The following JMY variants were observed in gnomAD, a reference collection of about 807,000 sequenced individuals.
The protein encoded by JMY is junction-mediating and -regulatory protein.
A neutral mutation model predicts 103.3 loss-of-function variants in JMY; 46 were observed. The observed-to-expected ratio is 0.45, with a 90% CI of 0.35 to 0.57. The LOEUF (loss-of-function observed/expected upper bound fraction) is 0.57. Ranked by LOEUF, JMY falls within the 20% of genes least tolerant of loss-of-function variation. The pLI, the probability that JMY is intolerant of heterozygous loss-of-function variation, is 0.00. For synonymous variants in JMY, 526 were observed against 489.3 expected, an observed-to-expected ratio of 1.07 and a Z score of -0.99; for missense variants, 1,238 against 1,255.2, an observed-to-expected ratio of 0.99 and a Z score of 0.21.
At position 79,258,321 on chromosome 5, in the gene JMY, T is replaced by G. The variant is rs925453337; in HGVS notation, c.1033-19589T>G. Among the ~76,000 whole-genome samples the G allele has an allele frequency of 8.5e-4, 127 of 149,744 alleles. 2 individuals are homozygous for G. The highest frequency in any genetic ancestry group is 3.1e-3 in the African/African-American group (125 of 40,974). On this transcript the variant is annotated intron_variant, in intron 1 of 10. Coordinates refer to ENST00000396137, the MANE Select transcript of JMY (RefSeq NM_152405.5). ...GCTTTTTTTGTTTTTGTTGTTTTTTTTTTTTTTTTGACAGGGTCTCCCTCT... is the reference window on the plus strand; with the variant it reads ...GCTTTTTTTGTTTTTGTTGTTTTTTGTTTTTTTTTGACAGGGTCTCCCTCT...
At chr5:79,315,337 C>T (rs1168811158) in intron 9 of JMY, among the ~76,000 whole-genome samples, 1 of 151,998 alleles carries the variant, frequency 6.6e-6, no homozygotes, top group Non-Finnish European at 1.5e-5. Context: ...GACAGATGTG[C>T]CTCAATAAGG....
intron 1 of JMY, among the ~76,000 whole-genome samples, chr5:79,253,637 A>C (rs1745155910): frequency 6.6e-6 from 1 of 152,148 alleles, no homozygotes; most frequent in African/African-American, 2.4e-5. Context: ...TACACACCAC[A>C]GTTACAGTGT....
rs540299350 is a variant in JMY, at chr5:79,277,306, G to T, written c.1033-604G>T. On this transcript the variant is annotated intron_variant, in intron 1 of 10. Coordinates refer to ENST00000396137, the MANE Select transcript of JMY (RefSeq NM_152405.5). ...AATTTATTGGAAATGTTCCAGATTT[G>T]GATGGTTTTCATTCTACTAGATAGC... 2.0e-5 allele frequency among the ~76,000 whole-genome samples: 3 copies of T among 152,016 alleles called. No individual in the cohort carries two copies. In the East Asian group the frequency reaches 5.8e-4, roughly 29 times the overall value.
Position 79,237,464 on chromosome 5 carries a change from G to A in JMY, c.814G>A (p.Gly272Arg). 6.2e-7 allele frequency: 1 copy of A among 1,609,580 alleles called. No individual in the cohort carries two copies. The highest frequency in any genetic ancestry group is 8.5e-7 in the Non-Finnish European group (1 of 1,178,374). ...TTCGGGCATGTGGACTGTGCTGTTT[G>A]GGGGCGCCCCCGAGATGACCGAGCA... ...EPSGMWTVLF[G>R]GAPEMTEQEI... Residue 272 changes from glycine (G) to arginine (R), a missense_variant, in exon 1 of 11, where the codon GGG becomes AGG. By Grantham distance (125) the Gly-to-Arg change is moderately radical. Coordinates refer to ENST00000396137, the MANE Select transcript of JMY (RefSeq NM_152405.5).
rs758809304 is a variant in JMY, at chr5:79,237,483, C to T, written c.833C>T (p.Thr278Ile). 6.2e-6 allele frequency: 10 copies of T among 1,613,732 alleles called. No homozygotes were observed. The highest frequency in any genetic ancestry group is 8.5e-6 in the Non-Finnish European group (10 of 1,179,926). ...TVLFGGAPEM[T>I]EQEIDTLCYQ... The stretch of plus-strand genomic sequence containing the variant: ...CTGTTTGGGGGCGCCCCCGAGATGA[C>T]CGAGCAGGAAATCGACACTCTGTGT... Residue 278 changes from threonine (T) to isoleucine (I), a missense_variant, in exon 1 of 11, where the codon ACC becomes ATC. Physicochemically the swap from Thr to Ile is moderately conservative, Grantham distance 89. Coordinates refer to ENST00000396137, the MANE Select transcript of JMY (RefSeq NM_152405.5).
chr5:79,314,582 C>G lies in JMY; in HGVS notation c.2390C>G (p.Ser797Cys). 1 of 1,614,120 alleles carries G rather than the reference C, an allele frequency of 6.2e-7. No individual in the cohort carries two copies. Among genetic ancestry groups the G allele is most frequent in the Non-Finnish European group, 8.5e-7 (1 of 1,179,984 alleles). The stretch of plus-strand genomic sequence containing the variant: ...TTGAATAACAACCTCGAACCATGTT[C>G]TGTTACCATAAATCCACTCCCATCC... ...PLLNNNLEPC[S>C]VTINPLPSPL... Residue 797 changes from serine (S) to cysteine (C), a missense_variant, in exon 9 of 11, where the codon TCT becomes TGT. Transcript: ENST00000396137.
At chr5:79,312,601 C>T in intron 8 of JMY, 103 bp downstream of exon 8, 4 of 543,558 alleles carry the variant, frequency 7.4e-6, no homozygotes, top group Non-Finnish European at 9.3e-6. Flanking sequence ...ACTTGGTTTT[C>T]CCTTATTTAT....
chr5:79,274,725 A>T (rs988819647), intron 1 of JMY, among the ~76,000 whole-genome samples: 1 of 151,970 alleles, frequency 6.6e-6, no homozygotes, highest in Non-Finnish European at 1.5e-5. Context: ...CTTTTTGATG[A>T]CTGAGTTTTG....
At chr5:79,271,213 T>C (rs1479277748) in intron 1 of JMY, among the ~76,000 whole-genome samples, 1 of 151,680 alleles carries the variant, frequency 6.6e-6, no homozygotes, top group Admixed American at 6.6e-5. Context: ...TTTTAAATTT[T>C]AGTAGAGAGA....
At position 79,301,271 on chromosome 5, in the gene JMY, T is replaced by C. The variant is rs926577153; in HGVS notation, c.1881+408T>C. Among the ~76,000 whole-genome samples, 6 of 152,198 alleles carry C rather than the reference T, an allele frequency of 3.9e-5. No homozygotes were observed. In the South Asian group the frequency reaches 1.0e-3, roughly 26 times the overall value. ...ATTCTTGATATTTGGAATGACTCAT[T>C]TTGTGGAAATGTGATTCTTCCTGTG... On this transcript the variant is annotated intron_variant, in intron 6 of 10. Coordinates refer to ENST00000396137, the MANE Select transcript of JMY (RefSeq NM_152405.5).
At position 79,316,106 on chromosome 5, in the gene JMY, T is replaced by G. The variant is rs570650245; in HGVS notation, c.2766T>G (p.Ser922Arg). The change falls in exon 10 of 11, where the codon AGT (serine) becomes AGG (arginine). Residue 922 changes from serine to arginine, a missense_variant. Coordinates refer to ENST00000396137, the MANE Select transcript of JMY (RefSeq NM_152405.5). ...CTCCTTTTCCTGATGAAGATGATAG[T>G]AATAATATCTTGGCACAAATAAGGA... ...TLPPFPDEDD[S>R]NNILAQIRKG... 28 of 1,614,052 alleles carry G rather than the reference T, an allele frequency of 1.7e-5. No homozygotes were observed.
At chr5:79,317,611 A>G (rs1287229115) in intron 10 of JMY, among the ~76,000 whole-genome samples, 1 of 152,124 alleles carries the variant, frequency 6.6e-6, no homozygotes, top group Non-Finnish European at 1.5e-5. Flanking sequence ...TCAAACATTC[A>G]CCAAAGTAGG....
At chr5:79,255,697 T>C (rs1745219796) in intron 1 of JMY, among the ~76,000 whole-genome samples, 2 of 152,238 alleles carry the variant, frequency 1.3e-5, no homozygotes, top group African/African-American at 4.8e-5. Flanking sequence ...AGGTACCACC[T>C]TGATGGTCTT....
intron 1 of JMY, among the ~76,000 whole-genome samples, chr5:79,256,339 C>T (rs913337040): frequency 1.3e-5 from 2 of 152,074 alleles, no homozygotes; most frequent in East Asian, 3.9e-4. Flanking sequence ...AGTAGCTTCT[C>T]CTATAGTCCA....
chr5:79,252,473 A>T (rs536777808), intron 1 of JMY, among the ~76,000 whole-genome samples: 6 of 151,954 alleles, frequency 3.9e-5, no homozygotes, highest in African/African-American at 1.4e-4. Context: ...AGTTTTTGTT[A>T]GGTCTGTTTG....
chr5:79,252,378 A>T (rs1462013743), intron 1 of JMY, among the ~76,000 whole-genome samples: 2 of 149,244 alleles, frequency 1.3e-5, no homozygotes, highest in Non-Finnish European at 1.5e-5. Context: ...TTGCTTTGTG[A>T]CATAACATGG....
At chr5:79,253,466 G>A (rs1745150783) in intron 1 of JMY, among the ~76,000 whole-genome samples, 1 of 151,774 alleles carries the variant, frequency 6.6e-6, no homozygotes, top group Admixed American at 6.6e-5. Context: ...CTGGTTTTTT[G>A]TGTTTTTAGT....
chr5:79,263,522 T>G (rs925609659), intron 1 of JMY, among the ~76,000 whole-genome samples: 1 of 152,152 alleles, frequency 6.6e-6, no homozygotes, highest in Non-Finnish European at 1.5e-5. Flanking sequence ...ACTTCCTGAC[T>G]AGCTGGGTCA....
chr5:79,281,615 A>C (rs993662256), intron 2 of JMY, among the ~76,000 whole-genome samples: 1 of 152,172 alleles, frequency 6.6e-6, no homozygotes, highest in African/African-American at 2.4e-5. Context: ...TGGACACAGC[A>C]TGGGTAAATC....
Sources: allele counts gnomAD v4.1 joint callset (sites outside exome capture counted in the v4.1 genomes callset), GRCh38; gene constraint gnomAD v4.1.1; transcripts MANE v1.5; gene names NCBI Gene and HGNC (gene_info 2026-07-23, HGNC 2026-07-21).